The following MTHFD1L variants were observed in gnomAD, a reference collection of about 807,000 sequenced individuals.
The protein encoded by MTHFD1L is monofunctional C1-tetrahydrofolate synthase, mitochondrial.
MTHFD1L carries 81 observed loss-of-function variants against 119.5 expected under a neutral mutation model. The ratio of observed to expected loss-of-function variants is 0.68; its 90% CI spans 0.57 to 0.82. The LOEUF is 0.82. MTHFD1L is among the 40% of genes least tolerant of loss of function. The pLI, the probability that MTHFD1L is intolerant of heterozygous loss-of-function variation, is 0.00. For missense variants in MTHFD1L, 1,125 were observed against 1,253.4 expected (o/e 0.90, Z 1.55); for synonymous variants, 430 against 475.2 (o/e 0.90, Z 1.24).
intron 20 of MTHFD1L, among the ~76,000 whole-genome samples, chr6:150,977,725 T>C (rs1015404626): frequency 1.3e-5 from 2 of 152,292 alleles, no homozygotes; most frequent in South Asian, 2.1e-4. Flanking sequence ...ATTCCAGTTT[T>C]CAGATAAAGA....
rs1343626908 is a variant in MTHFD1L at position 150,935,080 on chromosome 6, C to T, written c.1257-1724C>T. On this transcript the variant is annotated intron_variant, in intron 11 of 27. Coordinates refer to ENST00000367321, the MANE Select transcript of MTHFD1L (RefSeq NM_015440.5). ...GTGCTGGAAAGACAACTGTCTTATA[C>T]AGGCTGCAGTTCAATGAATTTGTAA... 8 of 1,613,830 alleles carry T rather than the reference C, an allele frequency of 5.0e-6. No homozygotes were observed. In the African/African-American group the frequency reaches 9.3e-5, roughly 19 times the overall value.
At chr6:151,025,162 G>A (rs529310293) in intron 24 of MTHFD1L, among the ~76,000 whole-genome samples, 7 of 152,318 alleles carry the variant, frequency 4.6e-5, no homozygotes, top group South Asian at 2.1e-4. Context: ...CAGGTTTGCC[G>A]TAGAAGGATG....
chr6:151,015,841 C>G (rs1700872669), intron 24 of MTHFD1L, 148 bp downstream of exon 24: 7 of 987,366 alleles, frequency 7.1e-6, no homozygotes, highest in South Asian at 1.9e-5. Flanking sequence ...AATCCCAACA[C>G]TTTGGGAGGC....
At chr6:151,010,343 C>T (rs1005073737) in intron 21 of MTHFD1L, among the ~76,000 whole-genome samples, 26 of 152,106 alleles carry the variant, frequency 1.7e-4, no homozygotes, top group African/African-American at 3.9e-4. Context: ...TGTCCCTGAA[C>T]GAAGAACAAG....
intron 24 of MTHFD1L, chr6:151,022,232 G>T: frequency 3.2e-6 from 1 of 317,148 alleles, no homozygotes; most frequent in Non-Finnish European, 6.4e-6. Context: ...TGGTTCTTAA[G>T]AAATTATTTT....
intron 20 of MTHFD1L, among the ~76,000 whole-genome samples, chr6:150,996,773 G>C (rs866966281): frequency 1.3e-5 from 2 of 151,716 alleles, no homozygotes; most frequent in South Asian, 4.2e-4. Context: ...CACATTCCAA[G>C]ATAGAGGTTT....
intron 26 of MTHFD1L, among the ~76,000 whole-genome samples, chr6:151,072,362 T>G (rs2128620199): frequency 6.6e-6 from 1 of 152,344 alleles, no homozygotes; most frequent in South Asian, 2.1e-4. Flanking sequence ...AATCATATAA[T>G]GCTTCTCATA....
chr6:151,046,739 C>T (rs530336675), intron 26 of MTHFD1L, among the ~76,000 whole-genome samples: 170 of 151,844 alleles, frequency 1.1e-3, no homozygotes, highest in Middle Eastern at 3.4e-3. Context: ...GGCTAAGAGG[C>T]GTATAATCAG....
At chr6:151,016,685 T>G (rs563918998) in intron 24 of MTHFD1L, 370 of 217,444 alleles carry the variant, frequency 1.7e-3, no homozygotes, top group Non-Finnish European at 2.6e-3. Flanking sequence ...GTCTAGTGTA[T>G]GTGTGTGTAT....
chr6:150,871,107 A>ATAATATATATTAATATATATCT (rs1423180846), intron 1 of MTHFD1L, among the ~76,000 whole-genome samples: 1 of 144,800 alleles, frequency 6.9e-6, no homozygotes, highest in African/African-American at 2.5e-5. Context: ...TAATATATAT[A>ATAATATATATTAATATATATCT]TAATATATAT....
chr6:151,021,853 C>T (rs1179534790), intron 24 of MTHFD1L, among the ~76,000 whole-genome samples: 2 of 152,140 alleles, frequency 1.3e-5, no homozygotes, highest in East Asian at 1.9e-4. Flanking sequence ...AGGTATGACC[C>T]GGAGAAGTCA....
At chr6:150,910,806 A>G (rs559328861) in intron 8 of MTHFD1L, among the ~76,000 whole-genome samples, 34 of 152,292 alleles carry the variant, frequency 2.2e-4, no homozygotes, top group African/African-American at 7.5e-4. Context: ...CCTGCACACA[A>G]AACAGCTTTC....
At chr6:151,091,587 C>A (rs963612763) in intron 26 of MTHFD1L, among the ~76,000 whole-genome samples, 1 of 152,134 alleles carries the variant, frequency 6.6e-6, no homozygotes, top group Non-Finnish European at 1.5e-5. Flanking sequence ...TGAGCTCATA[C>A]CCTCATGCCT....
Position 151,092,391 on chromosome 6 carries a change from A to G in MTHFD1L, c.2848-76A>G, listed in dbSNP as rs111973842. 11 of 1,085,110 alleles carry G rather than the reference A, an allele frequency of 1.0e-5. No individual in the cohort carries two copies. In the Admixed American group the frequency reaches 1.5e-4, roughly 15 times the overall value. The allele number at this position is 1,085,110 out of a possible 1,614,324, so 67.2% of individuals were successfully genotyped here. A position where few individuals can be genotyped will look rare whatever the true frequency, so the allele number is the denominator to read the frequency against. ...TCTATGAGGCTGTATTGAACGATAG[A>G]GTTAATTTGCATCATCAGATGTTGT... On this transcript the variant is annotated intron_variant, in intron 26 of 27. Coordinates refer to ENST00000367321, the MANE Select transcript of MTHFD1L (RefSeq NM_015440.5).
At chr6:150,950,733 G>C (rs556824048) in intron 16 of MTHFD1L, among the ~76,000 whole-genome samples, 2 of 152,242 alleles carry the variant, frequency 1.3e-5, no homozygotes, top group South Asian at 2.1e-4. Flanking sequence ...GCAGTGGTGC[G>C]ATCTAGGCTC....
chr6:151,047,390 A>T (rs548333292), intron 26 of MTHFD1L, among the ~76,000 whole-genome samples: 3 of 152,356 alleles, frequency 2.0e-5, no homozygotes, highest in African/African-American at 7.2e-5. Context: ...ACTGGTATAA[A>T]ATCAGGGAGC....
chr6:150,956,049 C>T lies in MTHFD1L; in HGVS notation c.1781C>T (p.Thr594Ile), dbSNP rs756248151. Residue 594 changes from threonine to isoleucine, a missense_variant, in exon 17 of 28, where the codon ACA becomes ATA. By Grantham distance (89) the Thr-to-Ile change is moderately conservative. This residue lies in a region of MTHFD1L where 1,058 missense variants were observed against 1,151.2 expected (regional missense o/e 0.92). Transcript: ENST00000367321. ...LRKITIGQGN[T>I]EKGHYRQAQF... ...AAAATAACCATCGGGCAGGGAAACACAGAGAAGGGCCATTACCGGCAGGTA... is the reference window on the plus strand; with the variant it reads ...AAAATAACCATCGGGCAGGGAAACATAGAGAAGGGCCATTACCGGCAGGTA... 1.9e-6 allele frequency: 3 copies of T among 1,614,054 alleles called. No homozygotes were observed. The East Asian group carries it at 6.7e-5, about 36-fold the overall frequency.
chr6:151,054,238 T>TA (rs1789533829), intron 26 of MTHFD1L, among the ~76,000 whole-genome samples: 1 of 152,294 alleles, frequency 6.6e-6, no homozygotes, highest in South Asian at 2.1e-4. Flanking sequence ...AAATGATTGC[T>TA]ACAACAACAT....
intron 19 of MTHFD1L, among the ~76,000 whole-genome samples, chr6:150,965,462 C>T (rs1174311058): frequency 3.9e-5 from 6 of 151,930 alleles, no homozygotes; most frequent in Non-Finnish European, 7.4e-5. Context: ...AGTTCAAGAC[C>T]GGCCTGACCA....
Sources: gnomAD v4.1 joint callset for allele counts (sites outside exome capture counted in the v4.1 genomes callset) on GRCh38, gnomAD v4.1.1 for gene constraint, gnomAD v4.1.1 regional missense constraint, MANE v1.5 for transcripts, NCBI Gene and HGNC (gene_info 2026-07-23, HGNC 2026-07-21) for gene names.